The following SRGAP1 variants were observed in gnomAD, a reference collection of about 807,000 sequenced individuals.
The protein encoded by SRGAP1 is SLIT-ROBO Rho GTPase-activating protein 1.
A neutral mutation model predicts 121.9 loss-of-function variants in SRGAP1; 43 were observed. The ratio of observed to expected loss-of-function variants is 0.35; its 90% CI spans 0.28 to 0.46. The LOEUF (loss-of-function observed/expected upper bound fraction) is 0.46, where lower values mean the gene tolerates loss of function less well. SRGAP1 is among the 20% of genes least tolerant of loss of function. The pLI is 1.00. For missense variants in SRGAP1, 1,102 were observed against 1,350.9 expected (o/e 0.82, Z 2.89); for synonymous variants, 447 against 485.4 (o/e 0.92, Z 1.04).
chr12:64,101,451 A>G (rs1364778602), intron 15 of SRGAP1, among the ~76,000 whole-genome samples: 1 of 151,926 alleles, frequency 6.6e-6, no homozygotes, highest in African/African-American at 2.4e-5. Flanking sequence ...TTATCTTAGC[A>G]TTCTTTTTTT....
intron 1 of SRGAP1, among the ~76,000 whole-genome samples, chr12:63,964,180 GATAATA>G (rs1488809888): frequency 1.3e-5 from 2 of 152,032 alleles, no homozygotes; most frequent in African/African-American, 4.8e-5. Context: ...AAACTGAGAT[GATAATA>G]ATAATACTTA....
intron 1 of SRGAP1, among the ~76,000 whole-genome samples, chr12:63,887,163 C>T (rs375294741): frequency 9.2e-5 from 14 of 152,276 alleles, no homozygotes; most frequent in African/African-American, 2.4e-4. Context: ...CGTGAGCCAC[C>T]GTGCCTGGCC....
In SRGAP1 at chr12:64,095,241, G is replaced by T. The variant is rs755921143; in HGVS notation, c.1678+37G>T. On this transcript the variant is annotated intron_variant, in intron 14 of 21. Coordinates refer to ENST00000355086, the MANE Select transcript of SRGAP1 (RefSeq NM_020762.4). The stretch of plus-strand genomic sequence containing the variant: ...TCTATCCCTATAAGCAAACCACGTT[G>T]AAAAGTCATCATGTTCTGTAAACTG... The T allele has an allele frequency of 3.8e-6, 6 of 1,584,888 alleles. No individual in the cohort carries two copies. In the East Asian group the frequency reaches 1.3e-4, roughly 35 times the overall value.
chr12:63,915,432 G>T (rs935696044), intron 1 of SRGAP1, among the ~76,000 whole-genome samples: 1 of 152,186 alleles, frequency 6.6e-6, no homozygotes, highest in Admixed American at 6.5e-5. Flanking sequence ...GGAACCAAAA[G>T]AATGGGGGCA....
At chr12:63,850,877 C>A (rs1285428122) in intron 1 of SRGAP1, among the ~76,000 whole-genome samples, 1 of 152,172 alleles carries the variant, frequency 6.6e-6, no homozygotes, top group Admixed American at 6.5e-5. Flanking sequence ...AGAGGATGGG[C>A]ATGGTAGCTC....
chr12:64,091,787 A>C, intron 12 of SRGAP1: 1 of 842,580 alleles, frequency 1.2e-6, no homozygotes, highest in South Asian at 1.6e-5. Context: ...GACTTGAGGA[A>C]TTCATTATAT....
intron 15 of SRGAP1, among the ~76,000 whole-genome samples, chr12:64,106,249 G>A (rs1456422779): frequency 6.6e-6 from 1 of 152,140 alleles, no homozygotes; most frequent in Non-Finnish European, 1.5e-5. Flanking sequence ...GTTGTCTTAA[G>A]AATAAATCAT....
At chr12:63,961,631 TAGTG>T (rs1446476976) in intron 1 of SRGAP1, among the ~76,000 whole-genome samples, 1 of 152,222 alleles carries the variant, frequency 6.6e-6, no homozygotes. Context: ...CAATGCCTGA[TAGTG>T]GGTGGTAGGT....
chr12:63,981,376 C>CAA (rs199894525), intron 1 of SRGAP1, among the ~76,000 whole-genome samples: 5 of 151,668 alleles, frequency 3.3e-5, no homozygotes, highest in African/African-American at 1.2e-4. Context: ...CAAAAACAAA[C>CAA]AAAAAAAACC....
intron 1 of SRGAP1, among the ~76,000 whole-genome samples, chr12:63,884,785 G>C (rs182429138): frequency 2.5e-3 from 362 of 147,250 alleles, no homozygotes; most frequent in African/African-American, 8.7e-3. Flanking sequence ...GAAGTGGCGC[G>C]ATCTCGGCTC....
At chr12:64,061,786 A>C (rs1171749774) in intron 6 of SRGAP1, among the ~76,000 whole-genome samples, 1 of 152,128 alleles carries the variant, frequency 6.6e-6, no homozygotes, top group Non-Finnish European at 1.5e-5. Flanking sequence ...CAATAAAATC[A>C]TATGTGGTCT....
chr12:63,848,847 CT>C (rs1182764958), intron 1 of SRGAP1, among the ~76,000 whole-genome samples: 3 of 151,878 alleles, frequency 2.0e-5, no homozygotes, highest in Non-Finnish European at 4.4e-5. Context: ...TTTGCTTTCA[CT>C]TTTTTTTCAT....
rs141287746 is a variant in SRGAP1, at chr12:64,065,020, G to T, written c.1024-98G>T. ...TAAATATGTAATTGGAACCTTGAGA[G>T]GATTGGTGTGATTCATGCATCATTT... On this transcript the variant is annotated intron_variant, in intron 7 of 21. Coordinates refer to ENST00000355086, the MANE Select transcript of SRGAP1 (RefSeq NM_020762.4). 63 of 785,720 alleles carry T rather than the reference G, an allele frequency of 8.0e-5. No individual in the cohort carries two copies. In the African/African-American group the frequency reaches 1.0e-3, roughly 13 times the overall value. The allele number at this position is 785,720 out of a possible 1,614,324, so 48.7% of individuals were successfully genotyped here.
intron 1 of SRGAP1, among the ~76,000 whole-genome samples, chr12:63,891,177 G>T (rs1189733977): frequency 6.6e-6 from 1 of 152,124 alleles, no homozygotes; most frequent in Admixed American, 6.5e-5. Context: ...GCCTTTATTA[G>T]ACGCTCCTCA....
intron 1 of SRGAP1, among the ~76,000 whole-genome samples, chr12:63,948,193 G>T (rs946973624): frequency 2.6e-5 from 4 of 152,038 alleles, no homozygotes; most frequent in Non-Finnish European, 5.9e-5. Context: ...AAAGACCTGG[G>T]TTCCATTTTC....
intron 2 of SRGAP1, among the ~76,000 whole-genome samples, chr12:63,985,443 T>C (rs1418381228): frequency 1.3e-5 from 2 of 152,108 alleles, no homozygotes; most frequent in Non-Finnish European, 2.9e-5. Flanking sequence ...CCTGAGGGCA[T>C]GAGAAGGAAC....
At chr12:63,901,486 T>G (rs1196684467) in intron 1 of SRGAP1, among the ~76,000 whole-genome samples, 1 of 152,210 alleles carries the variant, frequency 6.6e-6, no homozygotes, top group Non-Finnish European at 1.5e-5. Flanking sequence ...GCTTTAAAGC[T>G]GAGCAAAATG....
At chr12:64,123,071 A>G (rs2036628143) in intron 18 of SRGAP1, among the ~76,000 whole-genome samples, 1 of 152,256 alleles carries the variant, frequency 6.6e-6, no homozygotes, top group African/African-American at 2.4e-5. Flanking sequence ...TATTTCTGTA[A>G]CATAAGTATA....
intron 21 of SRGAP1, among the ~76,000 whole-genome samples, chr12:64,137,350 T>TA (rs200460641): frequency 0.013 from 1,873 of 148,126 alleles, 24 homozygotes; most frequent in African/African-American, 0.037. Flanking sequence ...TAAATACTTG[T>TA]AAAAAAAAAA....
Sources: gnomAD v4.1 joint callset for allele counts (sites outside exome capture counted in the v4.1 genomes callset) on GRCh38, gnomAD v4.1.1 for gene constraint, MANE v1.5 for transcripts, NCBI Gene and HGNC (gene_info 2026-07-23, HGNC 2026-07-21) for gene names.